Variants in EPHX1 observed in about 807,000 individuals in gnomAD.
EPHX1 encodes the protein epoxide hydratase.
A neutral mutation model predicts 43.2 loss-of-function variants in EPHX1; 40 were observed. That is an observed-to-expected ratio of 0.93 (90% CI 0.72 to 1.21). EPHX1 has a LOEUF of 1.21. EPHX1 is among the 50% of genes most tolerant of loss of function. The pLI is 0.00. For synonymous variants in EPHX1, 221 were observed against 226.7 expected, an observed-to-expected ratio of 0.98 and a Z score of 0.22; for missense variants, 550 against 570.4, an observed-to-expected ratio of 0.96 and a Z score of 0.36.
intron 1 of EPHX1, among the ~76,000 whole-genome samples, chr1:225,823,720 C>T (rs1289696611): frequency 6.6e-6 from 1 of 151,908 alleles, no homozygotes; most frequent in African/African-American, 2.4e-5. Context: ...GCCACCCCCT[C>T]CCCAGCCCAC....
At chr1:225,844,804 G>A (rs921148254) in intron 8 of EPHX1, among the ~76,000 whole-genome samples, 181 bp downstream of exon 8, 5 of 152,186 alleles carry the variant, frequency 3.3e-5, no homozygotes, top group African/African-American at 1.2e-4. Context: ...CTCATGGAGG[G>A]ACCAGGTGCC....
chr1:225,834,866 T>C (rs1175039411), intron 3 of EPHX1, among the ~76,000 whole-genome samples: 1 of 152,166 alleles, frequency 6.6e-6, no homozygotes, highest in Admixed American at 6.5e-5. Context: ...ACAGGGCGCC[T>C]GCTGTACCCA....
chr1:225,811,511 A>C (rs1334148150), intron 1 of EPHX1, among the ~76,000 whole-genome samples: 1 of 152,148 alleles, frequency 6.6e-6, no homozygotes, highest in Non-Finnish European at 1.5e-5. Flanking sequence ...GCTGGGATTG[A>C]TGAGCTGTTG....
At chr1:225,830,051 C>T (rs564721609) in intron 2 of EPHX1, among the ~76,000 whole-genome samples, 1 of 152,236 alleles carries the variant, frequency 6.6e-6, no homozygotes, top group African/African-American at 2.4e-5. Flanking sequence ...GCACTCTAGC[C>T]TGGGCAACAA....
chr1:225,825,437 G>A (rs919508745), intron 1 of EPHX1: 2 of 152,226 alleles, frequency 1.3e-5, no homozygotes, highest in Non-Finnish European at 2.9e-5. Flanking sequence ...CGTGGAGCCT[G>A]GTGGACAGGT....
rs746768177 is a variant in EPHX1, at chr1:225,842,475, G to A, written c.1040+1G>A. 3.7e-6 allele frequency: 6 copies of A among 1,607,438 alleles called. No individual in the cohort carries two copies. In the Admixed American group the frequency reaches 1.0e-4, roughly 27 times the overall value. On this transcript the variant is annotated splice_donor_variant, in intron 7 of 8. Transcript: ENST00000272167. LOFTEE classifies it high-confidence loss of function. ...ACCTGGAGGATGGAGGCCTGGAAAG[G>A]TGAGGCCCTGGTTTGCCCCTGCAGT...
At chr1:225,834,553 G>A (rs1315042375) in intron 3 of EPHX1, among the ~76,000 whole-genome samples, 1 of 137,130 alleles carries the variant, frequency 7.3e-6, no homozygotes, top group African/African-American at 2.8e-5. Flanking sequence ...GTGTGTCCTG[G>A]AACTAGAGCC....
Position 225,831,969 on chromosome 1 carries a change from C to CA in EPHX1, c.364+14dup, listed in dbSNP as rs767066517. ...AAGACTAAGATTGAAGGTATGTTTG[C>CA]AAAACGCCAGCCAGAGAGGGATGTA... On this transcript the variant is annotated intron_variant, in intron 3 of 8. Transcript: ENST00000272167. The CA allele has an allele frequency of 5.8e-5, 93 of 1,613,512 alleles. No individual in the cohort carries two copies. Among genetic ancestry groups the CA allele is most frequent in the Non-Finnish European group, 7.2e-5 (85 of 1,179,754 alleles).
At position 225,817,805 on chromosome 1, in the gene EPHX1, C is replaced by T. The variant is rs529874953; in HGVS notation, c.-6+7636C>T. Among the ~76,000 whole-genome samples, 4 of 152,384 alleles carry T rather than the reference C, an allele frequency of 2.6e-5. No homozygotes were observed. The highest frequency in any genetic ancestry group is 3.9e-4 in the East Asian group (2 of 5,188). ...TCTGGAAAAATACTTGGGCATTCTGCCCTGCAATGCACTTAGCCAAGGCCG... is the reference window on the plus strand; with the variant it reads ...TCTGGAAAAATACTTGGGCATTCTGTCCTGCAATGCACTTAGCCAAGGCCG... On this transcript the variant is annotated intron_variant, in intron 1 of 8. Transcript: ENST00000272167. This position sits in a 1 kb window ranked among gnomAD's most constrained non-coding sequence, Gnocchi z 5.7.
chr1:225,828,759 G>A lies in EPHX1; in HGVS notation c.30G>A (p.Val10=), dbSNP rs200493338. Residue 10 remains valine, a synonymous_variant, in exon 2 of 9, where the codon GTG becomes GTA. Transcript: ENST00000272167. Reference sequence around the variant, plus strand: ...GGCTAGAAATCCTCCTCACTTCAGTGCTGGGCTTTGCCATCTACTGGTTCA... The same window carrying A: ...GGCTAGAAATCCTCCTCACTTCAGTACTGGGCTTTGCCATCTACTGGTTCA... The part of the protein sequence containing the change: MWLEILLTS[V]LGFAIYWFIS... 1.5e-4 allele frequency: 241 copies of A among 1,613,784 alleles called. No homozygotes were observed. The East Asian group carries it at 5.1e-3, about 34-fold the overall frequency.
intron 7 of EPHX1, 133 bp from the exon 8 acceptor site, chr1:225,844,365 C>G (rs1668725878): frequency 7.2e-7 from 1 of 1,394,710 alleles, no homozygotes; most frequent in Non-Finnish European, 1.0e-6. Flanking sequence ...ACGAGGATAC[C>G]ACACACGTTG....
intron 3 of EPHX1, 46 bp downstream of exon 3, chr1:225,832,005 A>G: frequency 6.3e-7 from 1 of 1,588,584 alleles, no homozygotes; most frequent in Non-Finnish European, 8.6e-7. Context: ...TGTCATGAGA[A>G]CAGCCTTCTT....
At chr1:225,820,381 C>T (rs1666929598) in intron 1 of EPHX1, among the ~76,000 whole-genome samples, 1 of 152,166 alleles carries the variant, frequency 6.6e-6, no homozygotes, top group Non-Finnish European at 1.5e-5. Flanking sequence ...AGCCACCACG[C>T]CTGTCCCCAA....
intron 3 of EPHX1, among the ~76,000 whole-genome samples, chr1:225,837,742 G>GCTC (rs1275276730): frequency 6.6e-6 from 1 of 151,954 alleles, no homozygotes; most frequent in East Asian, 1.9e-4. Context: ...CTGGTCTTGA[G>GCTC]CTCCTGACCT....
At position 225,838,641 on chromosome 1, in the gene EPHX1, T is replaced by C. The variant is rs1668100076; in HGVS notation, c.365-13T>C. ...CTCTCTCCCTCCACCCTGACTGTGC[T>C]CTGTCCCCCCAGGGCTGGACATCCA... On this transcript the variant is annotated splice_polypyrimidine_tract_variant and intron_variant, in intron 3 of 8. Transcript: ENST00000272167. 2.0e-5 allele frequency: 32 copies of C among 1,609,522 alleles called. No homozygotes were observed. Among genetic ancestry groups the C allele is most frequent in the Non-Finnish European group, 2.6e-5 (31 of 1,175,926 alleles).
intron 6 of EPHX1, among the ~76,000 whole-genome samples, chr1:225,840,339 G>A (rs1015353169): frequency 6.6e-6 from 1 of 152,208 alleles, no homozygotes; most frequent in African/African-American, 2.4e-5. Context: ...GATGGAGGGG[G>A]TGAGGTAGGA....
At chr1:225,839,393 G>C in intron 5 of EPHX1, 47 bp downstream of exon 5, 1 of 1,607,778 alleles carries the variant, frequency 6.2e-7, no homozygotes, top group Non-Finnish European at 8.5e-7. Context: ...GTGTGTGTGT[G>C]TGTGTGTGTC....
chr1:225,833,620 C>G (rs776041251), intron 3 of EPHX1, among the ~76,000 whole-genome samples: 15 of 150,316 alleles, frequency 1.0e-4, no homozygotes, highest in Middle Eastern at 3.5e-3. Flanking sequence ...ACGGTGAAAT[C>G]CTGTCTCTAA....
intron 2 of EPHX1, among the ~76,000 whole-genome samples, chr1:225,831,531 AGT>A (rs1391827773): frequency 6.7e-6 from 1 of 149,106 alleles, no homozygotes; most frequent in Non-Finnish European, 1.5e-5. Flanking sequence ...TGGGCAACAG[AGT>A]GAGACCCTAT....
Sources: allele counts gnomAD v4.1 joint callset (sites outside exome capture counted in the v4.1 genomes callset), GRCh38; gene constraint gnomAD v4.1.1; non-coding constraint Gnocchi (gnomAD v3.1); transcripts MANE v1.5; gene names NCBI Gene and HGNC (gene_info 2026-07-23, HGNC 2026-07-21).